Variants in TTC28 observed in about 807,000 individuals in gnomAD.
The protein encoded by TTC28 is tetratricopeptide repeat domain 28, also known as tetratricopeptide repeat protein 28.
Under a neutral mutation model 198.0 loss-of-function variants are expected in TTC28, and 61 were observed. The ratio of observed to expected loss-of-function variants is 0.31; its 90% CI spans 0.25 to 0.38. The LOEUF is 0.38. TTC28 is among the 10% of genes least tolerant of loss of function. TTC28 has a pLI of 1.00. For synonymous variants in TTC28, 1,171 were observed against 1,297.8 expected, an observed-to-expected ratio of 0.90 and a Z score of 2.10; for missense variants, 2,678 against 3,164.0, an observed-to-expected ratio of 0.85 and a Z score of 3.69.
At chr22:28,333,083 A>C (rs1237970810) in intron 2 of TTC28, among the ~76,000 whole-genome samples, 3 of 152,152 alleles carry the variant, frequency 2.0e-5, no homozygotes, top group African/African-American at 4.8e-5. Context: ...AGGTACTTCA[A>C]ATATTTAAGT....
At chr22:28,215,817 AT>A (rs1448965407) in intron 5 of TTC28, among the ~76,000 whole-genome samples, 1 of 152,188 alleles carries the variant, frequency 6.6e-6, no homozygotes, top group Non-Finnish European at 1.5e-5. Flanking sequence ...TTTTTAAATC[AT>A]TAGGAATGGT....
chr22:28,627,308 C>A lies in TTC28; in HGVS notation c.381+2244G>T, dbSNP rs555460470. The stretch of plus-strand genomic sequence containing the variant: ...TTATTATTCCCATTTATCTTAACTT[C>A]AGAGAGGTTAAGAGATTACTCAAAA... On this transcript the variant is annotated intron_variant, in intron 2 of 22. Coordinates refer to ENST00000397906, the MANE Select transcript of TTC28 (RefSeq NM_001145418.2). 5.9e-5 allele frequency among the ~76,000 whole-genome samples: 9 copies of A among 152,188 alleles called. No homozygotes were observed. The South Asian group carries it at 8.3e-4, about 14-fold the overall frequency.
At chr22:28,293,684 C>T (rs184971538) in intron 5 of TTC28, among the ~76,000 whole-genome samples, 7 of 151,646 alleles carry the variant, frequency 4.6e-5, no homozygotes, top group African/African-American at 1.2e-4. Flanking sequence ...ATCAGATACA[C>T]GAAATAAATT....
At chr22:28,356,329 CA>C (rs2046077360) in intron 2 of TTC28, among the ~76,000 whole-genome samples, 1 of 152,132 alleles carries the variant, frequency 6.6e-6, no homozygotes, top group Non-Finnish European at 1.5e-5. Flanking sequence ...CTATCCCTAC[CA>C]AAAGCCCTAG....
At chr22:28,386,822 G>GT (rs772398588) in intron 2 of TTC28, among the ~76,000 whole-genome samples, 4 of 150,364 alleles carry the variant, frequency 2.7e-5, no homozygotes, top group African/African-American at 4.9e-5. Flanking sequence ...GTTTTTTTTT[G>GT]TTTTTTTGTT....
chr22:28,186,443 T>C (rs1924211707), intron 5 of TTC28, among the ~76,000 whole-genome samples: 1 of 152,174 alleles, frequency 6.6e-6, no homozygotes, highest in Non-Finnish European at 1.5e-5. Context: ...ACTACAGACA[T>C]TAACAGGATG....
At chr22:28,281,638 C>G (rs1488387304) in intron 5 of TTC28, among the ~76,000 whole-genome samples, 1 of 152,160 alleles carries the variant, frequency 6.6e-6, no homozygotes, top group African/African-American at 2.4e-5. Flanking sequence ...ATATGTCTAA[C>G]AACTTTGGAC....
chr22:28,674,836 A>T (rs895077388), intron 1 of TTC28, among the ~76,000 whole-genome samples: 2 of 142,172 alleles, frequency 1.4e-5, no homozygotes, highest in African/African-American at 5.1e-5. Flanking sequence ...AAAAAAAAAA[A>T]GGTAAAACAT....
chr22:28,207,764 C>G (rs1926553972), intron 5 of TTC28, among the ~76,000 whole-genome samples: 1 of 152,122 alleles, frequency 6.6e-6, no homozygotes, highest in Non-Finnish European at 1.5e-5. Context: ...TTTGGCCTTG[C>G]TCACACTGAT....
chr22:28,564,407 C>T (rs1373884621), intron 2 of TTC28, among the ~76,000 whole-genome samples: 4 of 152,042 alleles, frequency 2.6e-5, no homozygotes, highest in African/African-American at 4.8e-5. Flanking sequence ...TCAGAAAATA[C>T]TTTTTAATTT....
chr22:28,572,092 G>C (rs2050072255), intron 2 of TTC28, among the ~76,000 whole-genome samples: 1 of 151,990 alleles, frequency 6.6e-6, no homozygotes, highest in Non-Finnish European at 1.5e-5. Flanking sequence ...CCAACACTTT[G>C]GGAGGTTGAG....
chr22:28,107,731 T>C lies in TTC28; in HGVS notation c.2114A>G (p.Gln705Arg). Reference protein sequence around the residue: ...ECQKYLLSLAQSLNNSQAKFR... With the variant: ...ECQKYLLSLARSLNNSQAKFR... The stretch of plus-strand genomic sequence containing the variant: ...TTTAGCCTGGGAATTATTCAGAGAC[T>C]GGGCTAGGGACAGTAGGTACTTCTG... Residue 705 changes from glutamine to arginine, a missense_variant, in exon 7 of 23, where the codon CAG (glutamine) becomes CGG (arginine). Gln to Arg is a conservative substitution (Grantham distance 43, BLOSUM62 1). Coordinates refer to ENST00000397906, the MANE Select transcript of TTC28 (RefSeq NM_001145418.2). 6.4e-7 allele frequency: 1 copy of C among 1,551,902 alleles called. No homozygotes were observed.
chr22:28,214,757 T>A (rs1342299004), intron 5 of TTC28, among the ~76,000 whole-genome samples: 1 of 152,210 alleles, frequency 6.6e-6, no homozygotes, highest in East Asian at 1.9e-4. Context: ...AGAAATACCA[T>A]TTGATCCAGC....
chr22:28,289,851 C>G (rs917994991), intron 5 of TTC28, among the ~76,000 whole-genome samples: 1 of 152,022 alleles, frequency 6.6e-6, no homozygotes. Context: ...CATGGTGAAA[C>G]CCCATCTCTA....
chr22:28,199,530 C>CATATATATATAT (rs10689151), intron 5 of TTC28, among the ~76,000 whole-genome samples: 3,859 of 138,684 alleles, frequency 0.028, 108 homozygotes, highest in Non-Finnish European at 0.045. Context: ...AATACCTATA[C>CATATATATATAT]ATATATATAT....
At chr22:28,588,951 C>A (rs181936189) in intron 2 of TTC28, among the ~76,000 whole-genome samples, 6 of 152,276 alleles carry the variant, frequency 3.9e-5, no homozygotes, top group Admixed American at 3.9e-4. Flanking sequence ...GAACTCCAGG[C>A]CAGCAAGATC....
chr22:28,236,346 T>C (rs141085476), intron 5 of TTC28, among the ~76,000 whole-genome samples: 1 of 152,184 alleles, frequency 6.6e-6, no homozygotes, highest in Non-Finnish European at 1.5e-5. Flanking sequence ...TCCTGTAACA[T>C]GTATAGTGAA....
intron 5 of TTC28, among the ~76,000 whole-genome samples, chr22:28,214,702 A>G (rs1238331409): frequency 6.6e-6 from 1 of 152,362 alleles, no homozygotes; most frequent in East Asian, 1.9e-4. Context: ...AACTAGTTCA[A>G]CCATTTTGGA....
intron 2 of TTC28, among the ~76,000 whole-genome samples, chr22:28,468,690 A>ATTTT (rs35984422): frequency 0.017 from 2,088 of 122,222 alleles, 24 homozygotes; most frequent in Non-Finnish European, 0.024. Flanking sequence ...CGCCCGGCTA[A>ATTTT]TTTTTTTTTT....
Sources: allele counts gnomAD v4.1 joint callset (sites outside exome capture counted in the v4.1 genomes callset), GRCh38; gene constraint gnomAD v4.1.1; transcripts MANE v1.5; gene names NCBI Gene and HGNC (gene_info 2026-07-23, HGNC 2026-07-21).